The following TET2 variants were observed in gnomAD, a reference collection of about 807,000 sequenced individuals.
The protein encoded by TET2 is methylcytosine dioxygenase TET2.
In TET2, 299 loss-of-function variants were observed where a neutral mutation model predicts 142.9. The ratio of observed to expected loss-of-function variants is 2.09; its 90% CI spans 1.90 to 2.30. The LOEUF is 2.30. Among genes scored for constraint, TET2 ranks in the 30% most tolerant of loss-of-function variants. The pLI is 0.00. For synonymous variants in TET2, 819 were observed against 849.0 expected (o/e 0.96, Z 0.61); for missense variants, 2,418 against 2,378.0 (o/e 1.02, Z -0.35).
At chr4:105,147,151 G>A (rs1246286335) in intron 1 of TET2, among the ~76,000 whole-genome samples, 172 bp downstream of exon 1, 2 of 152,158 alleles carry the variant, frequency 1.3e-5, no homozygotes, top group African/African-American at 4.8e-5. Context: ...GACAAATATA[G>A]TTTTAATTCC....
intron 2 of TET2, among the ~76,000 whole-genome samples, chr4:105,229,448 C>G (rs1728369125): frequency 6.6e-6 from 1 of 152,070 alleles, no homozygotes. Context: ...GTAACTGGGA[C>G]TACAGGCATG....
At chr4:105,198,803 A>T (rs1328908585) in intron 2 of TET2, among the ~76,000 whole-genome samples, 4 of 152,214 alleles carry the variant, frequency 2.6e-5, no homozygotes, top group African/African-American at 7.2e-5. Context: ...CTGATCTGGT[A>T]CATCAGTGTG....
chr4:105,205,897 G>T (rs1242536269), intron 2 of TET2, among the ~76,000 whole-genome samples: 3 of 152,144 alleles, frequency 2.0e-5, no homozygotes, highest in Admixed American at 6.5e-5. Flanking sequence ...GCCTCCTAAA[G>T]TGCTAGGATT....
intron 1 of TET2, among the ~76,000 whole-genome samples, chr4:105,158,493 T>G (rs1723675109): frequency 6.6e-6 from 1 of 152,194 alleles, no homozygotes; most frequent in African/African-American, 2.4e-5. Flanking sequence ...TTTTTTTTCC[T>G]TCACCCAAGG....
rs2110301061 is a variant in TET2 at position 105,269,726 on chromosome 4, C to G, written c.4161C>G (p.Asn1387Lys). 6.4e-7 allele frequency: 1 copy of G among 1,551,648 alleles called. No homozygotes were observed. The change falls in exon 9 of 11, where the codon AAC (asparagine) becomes AAG (lysine). Residue 1387 changes from asparagine (N) to lysine (K), a missense_variant. By Grantham distance (94) the Asn-to-Lys change is moderately conservative. Coordinates refer to ENST00000380013, the MANE Select transcript of TET2 (RefSeq NM_001127208.3). ...CTCATGCCCACAGAGACTTGCACAACATGCAGAATGGCAGCACATTGGTAA... is the reference window on the plus strand; with the variant it reads ...CTCATGCCCACAGAGACTTGCACAAGATGCAGAATGGCAGCACATTGGTAA... The part of the protein sequence containing the change: ...FCAHAHRDLH[N>K]MQNGSTLVCT...
Position 105,269,591 on chromosome 4 carries a change from A to G in TET2, c.4045-19A>G. 2 of 1,551,004 alleles carry G rather than the reference A, an allele frequency of 1.3e-6. No homozygotes were observed. Among genetic ancestry groups the G allele is most frequent in the Non-Finnish European group, 1.7e-6 (2 of 1,146,466 alleles). ...TAAAACTAACTACTTTCGCATTCACACACACTTTTATTTTTCAGATTGAAT... is the reference window on the plus strand; with the variant it reads ...TAAAACTAACTACTTTCGCATTCACGCACACTTTTATTTTTCAGATTGAAT... On this transcript the variant is annotated intron_variant, in intron 8 of 10. Transcript: ENST00000380013.
chr4:105,220,819 C>T (rs887801516), intron 2 of TET2, among the ~76,000 whole-genome samples: 5 of 152,148 alleles, frequency 3.3e-5, no homozygotes, highest in African/African-American at 1.2e-4. Context: ...TCTTCTATCA[C>T]CATAGCTACT....
At chr4:105,220,701 G>A (rs1578644195) in intron 2 of TET2, among the ~76,000 whole-genome samples, 2 of 152,272 alleles carry the variant, frequency 1.3e-5, no homozygotes, top group South Asian at 4.1e-4. Flanking sequence ...CCCTCTGTGA[G>A]GCAGGCATCC....
intron 6 of TET2, among the ~76,000 whole-genome samples, chr4:105,249,121 G>A (rs1256270360): frequency 2.0e-5 from 3 of 150,856 alleles, no homozygotes; most frequent in Non-Finnish European, 2.9e-5. Context: ...TCTGTCTCCC[G>A]GGTTCAAGTG....
At chr4:105,177,735 A>G (rs551609921) in intron 1 of TET2, 1 of 152,362 alleles carries the variant, frequency 6.6e-6, no homozygotes, top group African/African-American at 2.4e-5. Context: ...CTTACAAAAT[A>G]AACATACTCT....
At chr4:105,263,478 A>G (rs1730544048) in intron 8 of TET2, among the ~76,000 whole-genome samples, 1 of 152,230 alleles carries the variant, frequency 6.6e-6, no homozygotes, top group Non-Finnish European at 1.5e-5. Context: ...GACTAGATGT[A>G]TGGATGAGAA....
At chr4:105,147,341 C>T (rs111744981) in intron 1 of TET2, 2,091 of 152,370 alleles carry the variant, frequency 0.014, 31 homozygotes, top group Middle Eastern at 0.058. Context: ...GCTTTGGGGG[C>T]ACTACTTTTC....
chr4:105,217,150 T>A (rs1727543725), intron 2 of TET2, among the ~76,000 whole-genome samples: 1 of 151,988 alleles, frequency 6.6e-6, no homozygotes, highest in Non-Finnish European at 1.5e-5. Context: ...TGAACAGACC[T>A]TTCTCTTCAT....
intron 1 of TET2, among the ~76,000 whole-genome samples, chr4:105,179,779 C>T (rs1187429193): frequency 6.6e-6 from 1 of 152,160 alleles, no homozygotes; most frequent in African/African-American, 2.4e-5. Flanking sequence ...TTCAGTGGCA[C>T]ATGTTTGAGG....
chr4:105,240,819 C>T lies in TET2; in HGVS notation c.3410-520C>T, dbSNP rs1328436623. 3.7e-6 allele frequency: 4 copies of T among 1,079,214 alleles called. No homozygotes were observed. The African/African-American group carries it at 6.6e-5, about 18-fold the overall frequency. The allele number at this position is 1,079,214 out of a possible 1,614,324, so 66.9% of individuals were successfully genotyped here. On this transcript the variant is annotated intron_variant, in intron 3 of 10. Transcript: ENST00000380013. ...ACATACTAATATGGGTCTGGATTGA[C>T]TATTCTTATTTGCAAAACAGCAATT...
chr4:105,272,922 A>C lies in TET2; in HGVS notation c.4537+4A>C. On this transcript the variant is annotated splice_donor_region_variant and intron_variant, in intron 10 of 10. Coordinates refer to ENST00000380013, the MANE Select transcript of TET2 (RefSeq NM_001127208.3). ...AGCCAGGCTAAACAGTTGGCAGGTA[A>C]ATTTAATGTAAAGCATTTGTAGATA... is the stretch of plus-strand genomic sequence containing the variant. The C allele has an allele frequency of 1.3e-6, 2 of 1,514,726 alleles. No homozygotes were observed. The highest frequency in any genetic ancestry group is 8.8e-7 in the Non-Finnish European group (1 of 1,131,126). The allele number at this position is 1,514,726 out of a possible 1,614,324, so 93.8% of individuals were successfully genotyped here.
rs549381081 is a variant in TET2, at chr4:105,236,867, T to G, written c.2925T>G (p.Ser975Arg). The change falls in exon 3 of 11, where the codon AGT becomes AGG. Residue 975 changes from serine (S) to arginine (R), a missense_variant. By Grantham distance (110) the Ser-to-Arg change is moderately radical. Transcript: ENST00000380013. ...TQQPQTESCH[S>R]QMHRPIKVEP... The stretch of plus-strand genomic sequence containing the variant: ...AACCCCAAACTGAGTCTTGCCATAG[T>G]CAGATGCACAGGCCAATTAAGGTGG... 3.7e-6 allele frequency: 6 copies of G among 1,614,000 alleles called. No homozygotes were observed. The African/African-American group carries it at 6.7e-5, about 18-fold the overall frequency.
Position 105,234,433 on chromosome 4 carries a change from CCA to C in TET2, c.492_493del (p.Ser165PhefsTer5). On this transcript the variant is annotated frameshift_variant, in exon 3 of 11. Transcript: ENST00000380013. LOFTEE classifies it high-confidence loss of function. ...CAAGAAAATGCAGTTAAAGATTTCA[CCA>C]GTTTTTCAACACATAACTGCAGTGG... 6.2e-7 allele frequency: 1 copy of C among 1,613,928 alleles called. No individual in the cohort carries two copies. Among genetic ancestry groups the C allele is most frequent in the Non-Finnish European group, 8.5e-7 (1 of 1,179,990 alleles).
At chr4:105,224,943 A>C (rs1728092993) in intron 2 of TET2, among the ~76,000 whole-genome samples, 1 of 152,128 alleles carries the variant, frequency 6.6e-6, no homozygotes, top group Admixed American at 6.6e-5. Context: ...ATTGGAATAA[A>C]AGGATAGACA....
Sources: gnomAD v4.1 joint callset for allele counts (sites outside exome capture counted in the v4.1 genomes callset) on GRCh38, gnomAD v4.1.1 for gene constraint, MANE v1.5 for transcripts, NCBI Gene and HGNC (gene_info 2026-07-23, HGNC 2026-07-21) for gene names.